The following SYCE1 variants were observed in gnomAD, a reference collection of about 807,000 sequenced individuals.
The protein encoded by SYCE1 is synaptonemal complex central element protein 1.
SYCE1 carries 37 observed loss-of-function variants against 55.1 expected under a neutral mutation model. The ratio of observed to expected loss-of-function variants is 0.67; its 90% CI spans 0.52 to 0.88. The LOEUF (loss-of-function observed/expected upper bound fraction) is 0.88, where lower values mean the gene tolerates loss of function less well. SYCE1 is among the 40% of genes least tolerant of loss of function. The pLI is 0.00. For synonymous variants in SYCE1, 163 were observed against 159.4 expected (o/e 1.02, Z -0.17); for missense variants, 399 against 416.4 (o/e 0.96, Z 0.36).
intron 6 of SYCE1, chr10:133,557,397 C>T (rs1851712214): frequency 1.8e-6 from 1 of 541,822 alleles, no homozygotes; most frequent in African/African-American, 1.9e-5. Context: ...TTAGTATCAT[C>T]TCGTTTTCCC....
At chr10:133,556,734 G>A (rs1851691925) in intron 8 of SYCE1, 25 bp downstream of exon 8, 1 of 1,554,400 alleles carries the variant, frequency 6.4e-7, no homozygotes, top group Non-Finnish European at 8.7e-7. Context: ...TGTGGAAGGG[G>A]GAGGAGTGGC....
chr10:133,562,261 ATGTGTGTGTGTGTGTGTGTGTGTGTGTG>A (rs59050384), intron 1 of SYCE1, among the ~76,000 whole-genome samples: 11 of 143,004 alleles, frequency 7.7e-5, no homozygotes, highest in East Asian at 4.0e-4. Context: ...CTAACATCCA[ATGTGTGTGTGTGTGTGTGTGTGTGTGTG>A]TGTGTGTGTG....
downstream of SYCE1, chr10:133,554,555 G>A (rs77020414): frequency 0.022 from 14,291 of 651,420 alleles, 1,021 homozygotes; most frequent in African/African-American, 0.2. Context: ...TTGTGTTCTT[G>A]AGAGCACAAA....
At chr10:133,566,324 C>A (rs1851933586), upstream of SYCE1, among the ~76,000 whole-genome samples, 1 of 152,240 alleles carries the variant, frequency 6.6e-6, no homozygotes, top group African/African-American at 2.4e-5. Flanking sequence ...GACATCAGAA[C>A]ACCTGCCTGT....
At chr10:133,563,800 A>T (rs1851867063) in intron 1 of SYCE1, among the ~76,000 whole-genome samples, 1 of 152,138 alleles carries the variant, frequency 6.6e-6, no homozygotes, top group South Asian at 2.1e-4. Flanking sequence ...CTGCTCATAA[A>T]TTTTTGCATT....
intron 1 of SYCE1, among the ~76,000 whole-genome samples, chr10:133,562,332 A>G (rs1181220573): frequency 7.1e-6 from 1 of 140,540 alleles, no homozygotes; most frequent in Non-Finnish European, 1.5e-5. Flanking sequence ...AAAGGGCTTC[A>G]TGATTTTTCT....
chr10:133,559,905 T>C, intron 2 of SYCE1, 186 bp downstream of exon 2: 2 of 614,192 alleles, frequency 3.3e-6, no homozygotes, highest in Non-Finnish European at 5.7e-6. Flanking sequence ...TTGCCTTCTA[T>C]ACCCTTTTGC....
intron 4 of SYCE1, chr10:133,558,486 G>A: frequency 1.8e-6 from 1 of 563,608 alleles, no homozygotes; most frequent in Non-Finnish European, 3.2e-6. Context: ...CCACGAAGTG[G>A]GATAAGGGCT....
chr10:133,560,288 C>T, intron 1 of SYCE1, 135 bp from the exon 2 acceptor site: 1 of 645,136 alleles, frequency 1.6e-6, no homozygotes, highest in South Asian at 2.0e-5. Flanking sequence ...GGACAGTACA[C>T]TAGATGAATC....
upstream of SYCE1, among the ~76,000 whole-genome samples, chr10:133,565,747 C>T (rs1237238049): frequency 2.0e-5 from 3 of 152,254 alleles, no homozygotes; most frequent in East Asian, 5.8e-4. Context: ...CCGCCAGGGC[C>T]ACGTGCGGCC....
chr10:133,557,043 C>T, intron 7 of SYCE1, 24 bp downstream of exon 7: 1 of 1,610,302 alleles, frequency 6.2e-7, no homozygotes, highest in Non-Finnish European at 8.5e-7. Flanking sequence ...ATCCAAACCC[C>T]CTGCCTCAGA....
At chr10:133,554,148 A>T, downstream of SYCE1, 1 of 619,004 alleles carries the variant, frequency 1.6e-6, no homozygotes, top group Non-Finnish European at 2.8e-6. Flanking sequence ...CATGTTTGAT[A>T]GTATATTGCC....
At chr10:133,568,210 G>C, upstream of SYCE1, 5 of 1,177,600 alleles carry the variant, frequency 4.2e-6, no homozygotes, top group Non-Finnish European at 6.1e-6. Flanking sequence ...TGCCGAGCCG[G>C]TCCTGTTGCC....
At chr10:133,555,746 C>A (rs1434259077) in intron 10 of SYCE1, 34 bp downstream of exon 10, 2 of 1,609,658 alleles carry the variant, frequency 1.2e-6, no homozygotes, top group African/African-American at 1.3e-5. Context: ...ACCGGCCACT[C>A]CCTCCTCCCA....
At chr10:133,566,621 T>A (rs1416548278), upstream of SYCE1, among the ~76,000 whole-genome samples, 2 of 106,448 alleles carry the variant, frequency 1.9e-5, no homozygotes, top group Non-Finnish European at 4.6e-5. Context: ...GGTATTGGGG[T>A]TAGGGTTTGG....
chr10:133,566,206 A>T (rs3020498), upstream of SYCE1, among the ~76,000 whole-genome samples: 1 of 151,872 alleles, frequency 6.6e-6, no homozygotes, highest in Non-Finnish European at 1.5e-5. Flanking sequence ...GAGGAGGAGC[A>T]GAGGCTTTCG....
At chr10:133,565,895 G>T (rs1851923666), upstream of SYCE1, among the ~76,000 whole-genome samples, 1 of 152,242 alleles carries the variant, frequency 6.6e-6, no homozygotes, top group African/African-American at 2.4e-5. Flanking sequence ...CCTGTGAAGT[G>T]TGCGTGTCTG....
At chr10:133,560,027 AT>A (rs1851784418) in intron 2 of SYCE1, 63 bp downstream of exon 2, 1 of 1,431,702 alleles carries the variant, frequency 7.0e-7, no homozygotes. Context: ...GGGGCCTGAA[AT>A]TAAACCCACA....
chr10:133,561,649 T>C (rs941225134), intron 1 of SYCE1, among the ~76,000 whole-genome samples: 1 of 152,220 alleles, frequency 6.6e-6, no homozygotes, highest in Non-Finnish European at 1.5e-5. Flanking sequence ...GGGGTTTGTC[T>C]TGGCTAAAGG....
Sources: allele counts gnomAD v4.1 joint callset (sites outside exome capture counted in the v4.1 genomes callset), GRCh38; gene constraint gnomAD v4.1.1; transcripts MANE v1.5; gene names NCBI Gene and HGNC (gene_info 2026-07-23, HGNC 2026-07-21).